Variants in ESRRG observed in about 807,000 individuals in gnomAD.
ESRRG encodes the protein estrogen related receptor gamma.
ESRRG carries 13 observed loss-of-function variants against 44.0 expected under a neutral mutation model. That is an observed-to-expected ratio of 0.30 (90% confidence interval 0.19 to 0.47). The LOEUF (loss-of-function observed/expected upper bound fraction) is 0.47, where lower values mean the gene tolerates loss of function less well. ESRRG is among the 20% of genes least tolerant of loss of function. ESRRG has a pLI of 1.00. For synonymous variants in ESRRG, 215 were observed against 214.6 expected (o/e 1.00, Z -0.02); for missense variants, 395 against 580.6 (o/e 0.68, Z 3.29).
At chr1:216,707,373 A>C in intron 1 of ESRRG, 1 of 1,535,914 alleles carries the variant, frequency 6.5e-7, no homozygotes, top group South Asian at 1.2e-5. Flanking sequence ...TAGCTGAAGG[A>C]ACACAGGCCA....
At chr1:216,838,681 G>T (rs1577102707) in intron 2 of ESRRG, among the ~76,000 whole-genome samples, 1 of 152,224 alleles carries the variant, frequency 6.6e-6, no homozygotes, top group East Asian at 1.9e-4. Flanking sequence ...TGTGGGTTTG[G>T]CTCCAGACCA....
At chr1:217,136,776 C>G (rs952954885) in intron 1 of ESRRG, among the ~76,000 whole-genome samples, 1 of 152,104 alleles carries the variant, frequency 6.6e-6, no homozygotes, top group Non-Finnish European at 1.5e-5. Flanking sequence ...TAAAGCCCCC[C>G]GAATATAACA....
chr1:216,580,605 A>G (rs2062577878), intron 3 of ESRRG, among the ~76,000 whole-genome samples: 1 of 152,192 alleles, frequency 6.6e-6, no homozygotes, highest in Admixed American at 6.5e-5. Flanking sequence ...AATGAGGGAA[A>G]CCATTCCCTT....
chr1:217,132,969 T>A (rs2092986635), intron 1 of ESRRG, among the ~76,000 whole-genome samples: 1 of 152,192 alleles, frequency 6.6e-6, no homozygotes, highest in Non-Finnish European at 1.5e-5. Flanking sequence ...TTGTCTAGTT[T>A]TGTCTACATG....
chr1:216,726,836 A>G (rs1415053996), upstream of ESRRG, among the ~76,000 whole-genome samples: 1 of 152,194 alleles, frequency 6.6e-6, no homozygotes, highest in East Asian at 1.9e-4. Context: ...AGCAGAGAAT[A>G]TACTTCATTT....
rs575066535 is a variant in ESRRG, at chr1:216,511,194, A to G, written c.1133-4011T>C. 5.9e-5 allele frequency among the ~76,000 whole-genome samples: 9 copies of G among 152,266 alleles called. No individual in the cohort carries two copies. The South Asian group carries it at 1.0e-3, about 18-fold the overall frequency. On this transcript the variant is annotated intron_variant, in intron 6 of 6. Transcript: ENST00000408911. ...GAAAGGGTGAATGGGACTCTCTCCA[A>G]TCATTGAATGAATGAAACAGAATGT... is the stretch of plus-strand genomic sequence containing the variant.
intron 2 of ESRRG, among the ~76,000 whole-genome samples, chr1:216,910,709 A>G (rs2060207269): frequency 6.6e-6 from 1 of 152,234 alleles, no homozygotes; most frequent in African/African-American, 2.4e-5. Context: ...GCATGGCATT[A>G]TACATCACTG....
intron 5 of ESRRG, among the ~76,000 whole-genome samples, chr1:216,528,397 T>C (rs1227854822): frequency 1.3e-5 from 2 of 152,216 alleles, no homozygotes; most frequent in Non-Finnish European, 2.9e-5. Flanking sequence ...CTTATATTTA[T>C]AAGTAACCAT....
chr1:216,521,751 C>T lies in ESRRG; in HGVS notation c.863-2330G>A, dbSNP rs551252595. ...GAACTTTTTTATTGAGGTCCATCCACGATTTTATCAGGGCCAGCACTTTTA... is the reference window on the plus strand; with the variant it reads ...GAACTTTTTTATTGAGGTCCATCCATGATTTTATCAGGGCCAGCACTTTTA... On this transcript the variant is annotated intron_variant, in intron 5 of 6. Coordinates refer to ENST00000408911, the MANE Select transcript of ESRRG (RefSeq NM_001438.4). 3.3e-5 allele frequency among the ~76,000 whole-genome samples: 5 copies of T among 152,236 alleles called. No individual in the cohort carries two copies. The South Asian group carries it at 1.0e-3, about 32-fold the overall frequency.
chr1:216,537,913 C>T (rs1204465307), intron 5 of ESRRG, among the ~76,000 whole-genome samples: 4 of 152,048 alleles, frequency 2.6e-5, no homozygotes, highest in Non-Finnish European at 5.9e-5. Flanking sequence ...TGTGTTCCAA[C>T]TATCATTTTC....
At chr1:216,745,155 TG>T (rs2091245542) in intron 2 of ESRRG, among the ~76,000 whole-genome samples, 9 of 151,980 alleles carry the variant, frequency 5.9e-5, no homozygotes, top group Admixed American at 5.9e-4. Context: ...TTTTGTTTTT[TG>T]TTTGTTTGTT....
intron 2 of ESRRG, among the ~76,000 whole-genome samples, chr1:216,834,932 A>G (rs1026486774): frequency 5.3e-5 from 8 of 152,214 alleles, no homozygotes; most frequent in African/African-American, 1.9e-4. Context: ...CCTTAGAGAC[A>G]GCAATTGAAG....
chr1:217,106,258 G>A (rs1181702222), intron 1 of ESRRG, among the ~76,000 whole-genome samples: 1 of 152,122 alleles, frequency 6.6e-6, no homozygotes, highest in Non-Finnish European at 1.5e-5. Flanking sequence ...CCAGAGAAAA[G>A]AGCGGCATCT....
chr1:216,723,183 G>A (rs2086721894), intron 1 of ESRRG, 61 bp downstream of exon 1: 2 of 1,383,596 alleles, frequency 1.4e-6, no homozygotes, highest in Admixed American at 3.4e-5. Flanking sequence ...GATATAGTCT[G>A]TCCGCCCCCA....
chr1:216,735,072 C>A (rs1395371858), intron 2 of ESRRG, among the ~76,000 whole-genome samples: 3 of 151,738 alleles, frequency 2.0e-5, no homozygotes, highest in African/African-American at 7.3e-5. Flanking sequence ...CCACATCTGG[C>A]TAATTTTGGT....
At chr1:216,922,480 A>T (rs768443653) in intron 2 of ESRRG, among the ~76,000 whole-genome samples, 1 of 152,200 alleles carries the variant, frequency 6.6e-6, no homozygotes, top group Non-Finnish European at 1.5e-5. Context: ...CATTCTTTTC[A>T]TCAGGGTAGA....
chr1:216,558,847 C>CTGTTTTT (rs199766097), intron 5 of ESRRG, among the ~76,000 whole-genome samples: 8 of 151,594 alleles, frequency 5.3e-5, no homozygotes, highest in African/African-American at 1.9e-4. Flanking sequence ...TAATTGTATT[C>CTGTTTTT]TGTTTTTTGT....
At chr1:216,803,279 A>G (rs896905999) in intron 2 of ESRRG, among the ~76,000 whole-genome samples, 1 of 152,178 alleles carries the variant, frequency 6.6e-6, no homozygotes, top group Non-Finnish European at 1.5e-5. Flanking sequence ...TACAAAATCT[A>G]TTTTAAAATA....
In ESRRG at chr1:216,999,533, C is replaced by A. The variant is rs147527900; in HGVS notation, c.-105-59860G>T. 2.1e-3 allele frequency among the ~76,000 whole-genome samples: 313 copies of A among 152,116 alleles called. 1 individual carries two copies. Among genetic ancestry groups the A allele is most frequent in the African/African-American group, 7.2e-3 (298 of 41,498 alleles). ...GCTATGGATACACTGGGATTCAAGC[C>A]CATCCCAGGTCTATCGGACTCCAAA... On this transcript the variant is annotated intron_variant, in intron 1 of 7. Transcript: ENST00000359162.
Sources: gnomAD v4.1 joint callset for allele counts (sites outside exome capture counted in the v4.1 genomes callset) on GRCh38, gnomAD v4.1.1 for gene constraint, MANE v1.5 for transcripts, NCBI Gene and HGNC (gene_info 2026-07-23, HGNC 2026-07-21) for gene names.